CD109: variants seen among roughly 807,000 people sequenced by gnomAD.
CD109 encodes CD109 antigen.
CD109 carries 149 observed loss-of-function variants against 165.8 expected under a neutral mutation model. The observed-to-expected ratio is 0.90, with a 90% confidence interval of 0.79 to 1.03. CD109 has a LOEUF of 1.03. Ranked by LOEUF, CD109 falls within the 50% of genes least tolerant of loss-of-function variation. The probability of loss-of-function intolerance (pLI) is 0.00; values close to 1 mark genes in which losing one functional copy is unlikely to be tolerated. For missense variants in CD109, 1,712 were observed against 1,677.8 expected, an observed-to-expected ratio of 1.02 and a Z score of -0.36; for synonymous variants, 585 against 592.1, an observed-to-expected ratio of 0.99 and a Z score of 0.18.
At position 73,762,902 on chromosome 6, in the gene CD109, G is replaced by C; in HGVS notation, c.997+20G>C. 6.3e-7 allele frequency: 1 copy of C among 1,583,678 alleles called. No homozygotes were observed. The highest frequency in any genetic ancestry group is 8.5e-7 in the Non-Finnish European group (1 of 1,170,234). On this transcript the variant is annotated intron_variant, in intron 9 of 32. Coordinates refer to ENST00000287097, the MANE Select transcript of CD109 (RefSeq NM_133493.5). Reference sequence around the variant, plus strand: ...TTACAGGTTTGTAGACTTTAAAGTGGAGGTAAAACTATTCATGTGACACTG... The same window carrying C: ...TTACAGGTTTGTAGACTTTAAAGTGCAGGTAAAACTATTCATGTGACACTG...
chr6:73,787,017 G>A (rs1194480062), intron 20 of CD109, among the ~76,000 whole-genome samples: 2 of 152,064 alleles, frequency 1.3e-5, no homozygotes, highest in Non-Finnish European at 2.9e-5. Flanking sequence ...GCTGAAGATC[G>A]CCCTTTCCCC....
intron 2 of CD109, 76 bp from the exon 3 acceptor site, chr6:73,723,175 G>T: frequency 6.2e-7 from 1 of 1,603,448 alleles, no homozygotes; most frequent in South Asian, 1.1e-5. Flanking sequence ...AGTATTGGGA[G>T]AGTTTTGGAA....
At chr6:73,734,792 G>C (rs1331456363) in intron 4 of CD109, among the ~76,000 whole-genome samples, 1 of 152,202 alleles carries the variant, frequency 6.6e-6, no homozygotes, top group Non-Finnish European at 1.5e-5. Flanking sequence ...TCTAGGCAAA[G>C]TTTAGAGGAT....
Position 73,763,696 on chromosome 6 carries a change from A to G in CD109, c.1107+11A>G, listed in dbSNP as rs760996772. On this transcript the variant is annotated intron_variant, in intron 10 of 32. Coordinates refer to ENST00000287097, the MANE Select transcript of CD109 (RefSeq NM_133493.5). ...AACTTCACAGCCACTGTAAGTTGGTATATTTATTTCCAGTCCATAGCAGTA... is the reference window on the plus strand; with the variant it reads ...AACTTCACAGCCACTGTAAGTTGGTGTATTTATTTCCAGTCCATAGCAGTA... The G allele has an allele frequency of 2.6e-5, 37 of 1,407,474 alleles. No individual in the cohort carries two copies. Among genetic ancestry groups the G allele is most frequent in the South Asian group, 3.8e-5 (3 of 78,774 alleles). 87.2% of individuals were successfully genotyped at this position (1,407,474 alleles called of 1,614,324 possible). A position where few individuals can be genotyped will look rare whatever the true frequency, so the allele number is the denominator to read the frequency against.
intron 15 of CD109, among the ~76,000 whole-genome samples, chr6:73,780,193 A>G (rs1774426160): frequency 6.6e-6 from 1 of 152,196 alleles, no homozygotes; most frequent in Admixed American, 6.5e-5. Context: ...ACTCAAGTCC[A>G]GACTTCTTAG....
intron 10 of CD109, among the ~76,000 whole-genome samples, chr6:73,765,406 A>C (rs1275335673): frequency 6.6e-6 from 1 of 152,164 alleles, no homozygotes; most frequent in African/African-American, 2.4e-5. Flanking sequence ...TCCTGATGTT[A>C]GCGAAAATAG....
At chr6:73,789,147 C>T (rs539937124) in intron 22 of CD109, among the ~76,000 whole-genome samples, 6 of 152,190 alleles carry the variant, frequency 3.9e-5, no homozygotes, top group Non-Finnish European at 7.3e-5. Context: ...AAAAAACTTT[C>T]ACAAGTGATT....
chr6:73,761,240 A>G (rs1041887469), intron 7 of CD109, among the ~76,000 whole-genome samples: 15 of 152,196 alleles, frequency 9.9e-5, no homozygotes, highest in African/African-American at 3.6e-4. Flanking sequence ...GACCATGGTG[A>G]TTGCACTATC....
intron 32 of CD109, 133 bp from the exon 33 acceptor site, chr6:73,823,325 C>A: frequency 1.4e-6 from 1 of 693,406 alleles, no homozygotes; most frequent in Admixed American, 2.9e-5. Context: ...TCAGTTGTTT[C>A]TTGTAAAGAA....
chr6:73,814,117 A>T (rs2150304716), intron 29 of CD109, among the ~76,000 whole-genome samples: 1 of 152,210 alleles, frequency 6.6e-6, no homozygotes, highest in African/African-American at 2.4e-5. Context: ...GATTTTTTTA[A>T]GTATGCAAAT....
upstream of CD109, among the ~76,000 whole-genome samples, chr6:73,692,172 G>C (rs1272021820): frequency 1.3e-5 from 2 of 152,154 alleles, no homozygotes; most frequent in East Asian, 3.9e-4. Flanking sequence ...TCCGAAATTG[G>C]GGATTTGACA....
In CD109 at chr6:73,760,974, C is replaced by T. The variant is rs138656684; in HGVS notation, c.759-1410C>T. Among the ~76,000 whole-genome samples the T allele has an allele frequency of 3.8e-3, 575 of 150,304 alleles. 9 individuals are homozygous for T. Among genetic ancestry groups the T allele is most frequent in the Admixed American group, 0.024 (361 of 14,996 alleles). ...AGGTTGCAGTGAGCCGAGATCATGC[C>T]ACTGCATCCAGCCTGGGTGACAGAG... is the stretch of plus-strand genomic sequence containing the variant. On this transcript the variant is annotated intron_variant, in intron 7 of 32. Coordinates refer to ENST00000287097, the MANE Select transcript of CD109 (RefSeq NM_133493.5).
chr6:73,707,253 C>T (rs1414924925), intron 2 of CD109, among the ~76,000 whole-genome samples: 3 of 152,132 alleles, frequency 2.0e-5, no homozygotes, highest in African/African-American at 7.2e-5. Flanking sequence ...TTCTGTAGCC[C>T]ATCCATAAAC....
intron 5 of CD109, among the ~76,000 whole-genome samples, chr6:73,736,731 T>C (rs1236956851): frequency 6.6e-6 from 1 of 152,270 alleles, no homozygotes; most frequent in Non-Finnish European, 1.5e-5. Context: ...TTCTATGATA[T>C]GATGTTTAAA....
At chr6:73,687,377 TTCTC>T in the CD109 span, among the ~76,000 whole-genome samples, 23 of 151,004 alleles carry the variant, frequency 1.5e-4, no homozygotes, top group South Asian at 2.1e-4. Flanking sequence ...TCCTCTTTCT[TTCTC>T]TTTCTCCTCT....
Position 73,758,845 on chromosome 6 carries a change from T to G in CD109, c.674-99T>G, listed in dbSNP as rs1156892211. The G allele has an allele frequency of 4.3e-6, 3 of 689,914 alleles. No homozygotes were observed. In the African/African-American group the frequency reaches 5.5e-5, roughly 13 times the overall value. The allele number at this position is 689,914 out of a possible 1,614,324, so 42.7% of individuals were successfully genotyped here. The stretch of plus-strand genomic sequence containing the variant: ...ACAACAATTTTATTTTTCATTTTAT[T>G]CAGTGGAAGATGATAGTGAAGTAGA... On this transcript the variant is annotated intron_variant, in intron 6 of 32. Transcript: ENST00000287097.
chr6:73,776,553 CTTTTTTTTTTT>C (rs34703329), intron 15 of CD109, among the ~76,000 whole-genome samples: 2 of 73,078 alleles, frequency 2.7e-5, no homozygotes, highest in Non-Finnish European at 4.9e-5. Flanking sequence ...CGCAAGTGGC[CTTTTTTTTTTT>C]TTTTTTTTTT....
rs572988991 is a variant in CD109 at position 73,802,695 on chromosome 6, C to CTTTT, written c.2879-512_2879-509dup. On this transcript the variant is annotated intron_variant, in intron 23 of 32. Transcript: ENST00000287097. ...TTACTTTAATTTGGGATATCACAGG[C>CTTTT]TTTTTTTTTTTTTTTTGAGATGGAA... is the stretch of plus-strand genomic sequence containing the variant. 3.4e-4 allele frequency among the ~76,000 whole-genome samples: 43 copies of CTTTT among 127,942 alleles called. 1 individual carries two copies. Among genetic ancestry groups the CTTTT allele is most frequent in the African/African-American group, 1.2e-3 (42 of 34,668 alleles). The allele number at this position is 127,942 out of a possible 152,430, so 83.9% of individuals were successfully genotyped here. A position where few individuals can be genotyped will look rare whatever the true frequency, so the allele number is the denominator to read the frequency against.
At chr6:73,742,659 G>C (rs556938238) in intron 5 of CD109, among the ~76,000 whole-genome samples, 1 of 152,332 alleles carries the variant, frequency 6.6e-6, no homozygotes, top group South Asian at 2.1e-4. Flanking sequence ...GATGACGGCA[G>C]CCCTGTGCTG....
Sources: gnomAD v4.1 joint callset for allele counts (sites outside exome capture counted in the v4.1 genomes callset) on GRCh38, gnomAD v4.1.1 for gene constraint, MANE v1.5 for transcripts, NCBI Gene and HGNC (gene_info 2026-07-23, HGNC 2026-07-21) for gene names.